BACH2: variants seen among roughly 807,000 people sequenced by gnomAD.
BACH2 encodes BACH transcriptional regulator 2.
Under a neutral mutation model 61.8 loss-of-function variants are expected in BACH2, and 5 were observed. The observed-to-expected ratio is 0.08, with a 90% CI of 0.04 to 0.17. BACH2 has a LOEUF of 0.17. Among genes scored for constraint, BACH2 ranks in the 10% least tolerant of loss-of-function variants. The pLI is 1.00. For synonymous variants in BACH2, 446 were observed against 440.1 expected (o/e 1.01, Z -0.17); for missense variants, 824 against 1,091.1 (o/e 0.76, Z 3.45).
chr6:90,084,873 T>A (rs1030263016), intron 5 of BACH2, among the ~76,000 whole-genome samples: 15 of 152,068 alleles, frequency 9.9e-5, no homozygotes, highest in Non-Finnish European at 2.2e-4. Flanking sequence ...TTTGAAACCA[T>A]GGATCCTTAT....
intron 1 of BACH2, among the ~76,000 whole-genome samples, chr6:90,288,682 T>C (rs1772093890): frequency 6.6e-6 from 1 of 152,174 alleles, no homozygotes; most frequent in Non-Finnish European, 1.5e-5. Context: ...GATAATCTCT[T>C]CCTGAAATTG....
At chr6:90,277,511 G>A (rs1172056391) in intron 1 of BACH2, among the ~76,000 whole-genome samples, 1 of 152,128 alleles carries the variant, frequency 6.6e-6, no homozygotes, top group East Asian at 1.9e-4. Context: ...GAAGCCTGAG[G>A]GATTTCTAGG....
Position 90,295,654 on chromosome 6 carries a change from GGTGTGTGT to G in BACH2, c.-446+818_-446+825del, listed in dbSNP as rs138869202. Among the ~76,000 whole-genome samples the G allele has an allele frequency of 1.8e-4, 26 of 147,828 alleles. 1 individual carries two copies. The highest frequency in any genetic ancestry group is 3.7e-4 in the African/African-American group (15 of 40,266). On this transcript the variant is annotated intron_variant, in intron 1 of 8. Transcript: ENST00000257749. ...CTGGGGCTTGGAGACTGGAGTGTAG[GGTGTGTGT>G]GTGTGTGTGTGTGTGTGTGTGTTGC...
intron 5 of BACH2, among the ~76,000 whole-genome samples, chr6:90,029,709 T>C (rs1346583224): frequency 6.6e-6 from 1 of 152,202 alleles, no homozygotes; most frequent in Admixed American, 6.5e-5. Context: ...CAGGTCCATA[T>C]GTCACTTCTG....
intron 5 of BACH2, among the ~76,000 whole-genome samples, chr6:90,078,465 A>C (rs1458086992): frequency 6.6e-6 from 1 of 152,174 alleles, no homozygotes; most frequent in East Asian, 1.9e-4. Flanking sequence ...ACCTAAGAAG[A>C]AGCAAACCAC....
At chr6:90,231,196 G>A (rs1770085178) in intron 3 of BACH2, among the ~76,000 whole-genome samples, 1 of 152,084 alleles carries the variant, frequency 6.6e-6, no homozygotes. Flanking sequence ...TATGAAAAGG[G>A]TTTAATTTCC....
intron 3 of BACH2, among the ~76,000 whole-genome samples, chr6:90,234,637 A>C (rs777742987): frequency 1.3e-5 from 2 of 152,242 alleles, no homozygotes; most frequent in Non-Finnish European, 2.9e-5. Flanking sequence ...AAGATAGTTT[A>C]GAATTAAATA....
At position 89,973,566 on chromosome 6, in the gene BACH2, C is replaced by T. The variant is rs566445831; in HGVS notation, c.244-21704G>A. 9.8e-5 allele frequency among the ~76,000 whole-genome samples: 15 copies of T among 152,306 alleles called. No individual in the cohort carries two copies. The East Asian group carries it at 2.7e-3, about 27-fold the overall frequency. The stretch of plus-strand genomic sequence containing the variant: ...TAAGGACCCTTGTAATCATTCAGGA[C>T]ACTCCCCCACCTCAAGACCCTTAAC... On this transcript the variant is annotated intron_variant, in intron 6 of 8. Coordinates refer to ENST00000257749, the MANE Select transcript of BACH2 (RefSeq NM_021813.4).
At chr6:90,084,758 A>G (rs1199230099) in intron 5 of BACH2, among the ~76,000 whole-genome samples, 1 of 152,102 alleles carries the variant, frequency 6.6e-6, no homozygotes, top group Non-Finnish European at 1.5e-5. Flanking sequence ...TCCTTAAGCA[A>G]AATTATATAT....
intron 5 of BACH2, among the ~76,000 whole-genome samples, chr6:90,086,848 ACCTT>A (rs1033798280): frequency 1.3e-5 from 2 of 152,122 alleles, no homozygotes; most frequent in Non-Finnish European, 2.9e-5. Context: ...TAAACTGATA[ACCTT>A]CCTTCCAGGA....
At chr6:90,172,434 AT>A (rs1235944086) in intron 4 of BACH2, among the ~76,000 whole-genome samples, 6 of 151,612 alleles carry the variant, frequency 4.0e-5, no homozygotes, top group African/African-American at 1.2e-4. Flanking sequence ...ATTCAAAATA[AT>A]TTTTTTTTCT....
chr6:90,295,608 C>T (rs1772322213), intron 1 of BACH2, among the ~76,000 whole-genome samples: 1 of 152,070 alleles, frequency 6.6e-6, no homozygotes, highest in South Asian at 2.1e-4. Flanking sequence ...CCTTCATAAA[C>T]CAGTCTCCTG....
chr6:90,026,566 G>A (rs1778647217), intron 5 of BACH2, among the ~76,000 whole-genome samples: 1 of 152,094 alleles, frequency 6.6e-6, no homozygotes, highest in African/African-American at 2.4e-5. Context: ...AGACTGGATT[G>A]TCAAACCTAA....
At chr6:90,047,584 G>A (rs1054311093) in intron 5 of BACH2, among the ~76,000 whole-genome samples, 3 of 152,092 alleles carry the variant, frequency 2.0e-5, no homozygotes, top group East Asian at 1.9e-4. Context: ...GAGCACCTTC[G>A]AGTGTCCGCA....
At chr6:90,116,993 C>T in intron 4 of BACH2, 1 of 371,044 alleles carries the variant, frequency 2.7e-6, no homozygotes, top group Admixed American at 3.3e-5. Flanking sequence ...CCTTCTTTCT[C>T]TGGCACAGAT....
chr6:90,143,702 T>C (rs1464661937), intron 4 of BACH2, among the ~76,000 whole-genome samples: 1 of 152,148 alleles, frequency 6.6e-6, no homozygotes. Flanking sequence ...AATGTTTTCC[T>C]CATCCTTCAT....
intron 2 of BACH2, among the ~76,000 whole-genome samples, chr6:90,259,939 G>T (rs759546408): frequency 4.5e-4 from 68 of 151,352 alleles, no homozygotes; most frequent in Non-Finnish European, 6.9e-4. Context: ...GGTTTTACTT[G>T]AGTTTTCTTT....
At chr6:90,118,424 A>G (rs917119887) in intron 4 of BACH2, among the ~76,000 whole-genome samples, 2 of 152,252 alleles carry the variant, frequency 1.3e-5, no homozygotes, top group African/African-American at 4.8e-5. Context: ...GCTCTCTGGA[A>G]GCCCACTTTA....
chr6:90,226,649 T>C (rs1018525), intron 3 of BACH2, among the ~76,000 whole-genome samples: 15,288 of 152,136 alleles, frequency 0.1, 1,087 homozygotes, highest in East Asian at 0.36. Flanking sequence ...TGCAATGTCT[T>C]CTATTGGTCT....
Sources: gnomAD v4.1 joint callset for allele counts (sites outside exome capture counted in the v4.1 genomes callset) on GRCh38, gnomAD v4.1.1 for gene constraint, MANE v1.5 for transcripts, NCBI Gene and HGNC (gene_info 2026-07-23, HGNC 2026-07-21) for gene names.